The following UPP2 variants were observed in gnomAD, a reference collection of about 807,000 sequenced individuals.
The protein encoded by UPP2 is uridine phosphorylase 2, also known as UPase 2.
UPP2 carries 23 observed loss-of-function variants against 26.7 expected under a neutral mutation model. That is an observed-to-expected ratio of 0.86 (90% CI 0.62 to 1.22). UPP2 has a LOEUF of 1.22. UPP2 is among the 50% of genes most tolerant of loss of function. The probability of loss-of-function intolerance (pLI) is 0.00; values close to 1 mark genes in which losing one functional copy is unlikely to be tolerated. For missense variants in UPP2, 387 were observed against 396.7 expected (o/e 0.98, Z 0.21); for synonymous variants, 127 against 141.3 (o/e 0.90, Z 0.72).
At chr2:158,030,459 G>A (rs1324918174) in intron 3 of UPP2, among the ~76,000 whole-genome samples, 1 of 152,198 alleles carries the variant, frequency 6.6e-6, no homozygotes, top group Non-Finnish European at 1.5e-5. Flanking sequence ...TTGAGCATAT[G>A]TTATAATCAC....
rs145206707 is a variant in UPP2, at chr2:158,129,759, G to GT, written c.812-4980dup. Among the ~76,000 whole-genome samples the GT allele has an allele frequency of 7.8e-3, 1,147 of 147,852 alleles. 8 individuals carry two copies. Among genetic ancestry groups the GT allele is most frequent in the African/African-American group, 0.027 (1,059 of 39,510 alleles). Reference sequence around the variant, plus strand: ...TTTATTTAAGGAAATAGATAGGAAGGTTTTTTTTTGTTTGTTTTTTTTTTG... The same window carrying GT: ...TTTATTTAAGGAAATAGATAGGAAGGTTTTTTTTTTGTTTGTTTTTTTTTTG... On this transcript the variant is annotated intron_variant, in intron 6 of 6. Transcript: ENST00000005756.
At chr2:157,998,477 C>T (rs760387318) in intron 2 of UPP2, among the ~76,000 whole-genome samples, 1 of 152,106 alleles carries the variant, frequency 6.6e-6, no homozygotes, top group Non-Finnish European at 1.5e-5. Flanking sequence ...TATGATGTGC[C>T]TTGATGTGTG....
intron 2 of UPP2, among the ~76,000 whole-genome samples, chr2:158,009,100 C>T (rs1360282758): frequency 6.6e-6 from 1 of 152,086 alleles, no homozygotes; most frequent in Non-Finnish European, 1.5e-5. Context: ...AATTCTAACA[C>T]ATGCAAGAAA....
intron 3 of UPP2, among the ~76,000 whole-genome samples, chr2:158,030,756 C>T (rs1683909404): frequency 6.6e-6 from 1 of 152,196 alleles, no homozygotes; most frequent in Admixed American, 6.5e-5. Flanking sequence ...AGGGGCAGTT[C>T]CTTTTCATCC....
At chr2:158,042,597 T>A (rs1490372507) in intron 3 of UPP2, among the ~76,000 whole-genome samples, 1 of 152,242 alleles carries the variant, frequency 6.6e-6, no homozygotes, top group Non-Finnish European at 1.5e-5. Context: ...TCTTGTCATG[T>A]CATCACTGAT....
Position 158,029,665 on chromosome 2 carries a change from A to T in UPP2, c.147+13779A>T, listed in dbSNP as rs545610053. Among the ~76,000 whole-genome samples the T allele has an allele frequency of 3.4e-5, 5 of 148,334 alleles. No homozygotes were observed. In the South Asian group the frequency reaches 1.1e-3, roughly 31 times the overall value. On this transcript the variant is annotated intron_variant, in intron 3 of 9. Transcript: ENST00000605860. ...TATAAACTGGGCACTCCTTACCTATAAGGCAAAGTTTTTCCTTCAAAGTTA... is the reference window on the plus strand; with the variant it reads ...TATAAACTGGGCACTCCTTACCTATTAGGCAAAGTTTTTCCTTCAAAGTTA...
chr2:158,083,849 T>C (rs982638804), intron 3 of UPP2, among the ~76,000 whole-genome samples: 1 of 142,812 alleles, frequency 7.0e-6, no homozygotes, highest in Non-Finnish European at 1.5e-5. Flanking sequence ...TTTATGTCTG[T>C]TTATATATAT....
At chr2:158,036,155 C>CTGTAAA in intron 3 of UPP2, among the ~76,000 whole-genome samples, 1 of 152,288 alleles carries the variant, frequency 6.6e-6, no homozygotes, top group East Asian at 1.9e-4. Context: ...AAATTAGATA[C>CTGTAAA]ATTATCATTA....
At chr2:158,071,550 C>CAAAAA (rs56926948) in intron 3 of UPP2, among the ~76,000 whole-genome samples, 2 of 65,470 alleles carry the variant, frequency 3.1e-5, no homozygotes, top group African/African-American at 6.0e-5. Context: ...GATTCTGTCT[C>CAAAAA]AAAAAAAAAA....
chr2:158,085,945 A>G (rs1389157896), intron 3 of UPP2, among the ~76,000 whole-genome samples: 1 of 152,054 alleles, frequency 6.6e-6, no homozygotes, highest in Non-Finnish European at 1.5e-5. Flanking sequence ...TACGTTCATC[A>G]GGGATATTGG....
At chr2:158,085,658 T>C (rs1454702162) in intron 3 of UPP2, among the ~76,000 whole-genome samples, 1 of 152,180 alleles carries the variant, frequency 6.6e-6, no homozygotes, top group Non-Finnish European at 1.5e-5. Flanking sequence ...TGGCTTTTAT[T>C]ACATTGAGGT....
intron 3 of UPP2, among the ~76,000 whole-genome samples, chr2:158,078,161 G>C (rs193217253): frequency 3.3e-5 from 5 of 152,108 alleles, no homozygotes; most frequent in African/African-American, 1.2e-4. Flanking sequence ...TGGAGAAAAG[G>C]AAACCCTTGT....
intron 3 of UPP2, among the ~76,000 whole-genome samples, chr2:158,070,005 C>T (rs535411983): frequency 1.3e-5 from 2 of 152,094 alleles, no homozygotes; most frequent in Non-Finnish European, 2.9e-5. Flanking sequence ...AATCACCCCC[C>T]AAAGGCCTCA....
Position 158,019,090 on chromosome 2 carries a change from A to G in UPP2, c.147+3204A>G, listed in dbSNP as rs369781840. Among the ~76,000 whole-genome samples, 118 of 152,350 alleles carry G rather than the reference A, an allele frequency of 7.7e-4. 5 individuals are homozygous for G. The South Asian group carries it at 0.019, about 24-fold the overall frequency. On this transcript the variant is annotated intron_variant, in intron 3 of 9. Coordinates refer to the UPP2 transcript ENST00000605860. ...ACCATCCAGAACAAGCAAGAATGCT[A>G]TATGTGTCATAGCCTATAATTTGTG...
At chr2:158,012,369 G>A (rs1025479474) in intron 2 of UPP2, among the ~76,000 whole-genome samples, 1 of 138,836 alleles carries the variant, frequency 7.2e-6, no homozygotes, top group Non-Finnish European at 1.5e-5. Context: ...CCGGATTCAA[G>A]TGATTCTCCT....
chr2:158,121,389 C>T lies in UPP2; in HGVS notation c.455-20C>T, dbSNP rs1683562838. Reference sequence around the variant, plus strand: ...ACTCTAAACGATATTCTTCTGTAATCATTTATTCCCACATTGCAGGGATTG... The same window carrying T: ...ACTCTAAACGATATTCTTCTGTAATTATTTATTCCCACATTGCAGGGATTG... On this transcript the variant is annotated intron_variant, in intron 4 of 6. Coordinates refer to ENST00000005756, the MANE Select transcript of UPP2 (RefSeq NM_173355.4). 6.3e-7 allele frequency: 1 copy of T among 1,597,210 alleles called. No homozygotes were observed. Among genetic ancestry groups the T allele is most frequent in the South Asian group, 1.1e-5 (1 of 90,816 alleles).
chr2:158,002,281 C>T (rs1558900143), intron 2 of UPP2, among the ~76,000 whole-genome samples: 1 of 152,144 alleles, frequency 6.6e-6, no homozygotes, highest in Non-Finnish European at 1.5e-5. Context: ...CAAAGATAAA[C>T]GTGCAACTCG....
At chr2:158,061,857 C>T (rs1682357578) in intron 3 of UPP2, among the ~76,000 whole-genome samples, 1 of 152,244 alleles carries the variant, frequency 6.6e-6, no homozygotes, top group South Asian at 2.1e-4. Flanking sequence ...TAATCTGGCC[C>T]TAGCCCAGGT....
chr2:158,096,382 T>G (rs922255963), intron 3 of UPP2, among the ~76,000 whole-genome samples: 2 of 152,196 alleles, frequency 1.3e-5, no homozygotes, highest in African/African-American at 4.8e-5. Flanking sequence ...GCGGATTACC[T>G]GAGGTCAGGA....
Sources: allele counts gnomAD v4.1 joint callset (sites outside exome capture counted in the v4.1 genomes callset), GRCh38; gene constraint gnomAD v4.1.1; transcripts MANE v1.5; gene names NCBI Gene and HGNC (gene_info 2026-07-23, HGNC 2026-07-21).